ZNF600: variants seen among roughly 807,000 people sequenced by gnomAD.
ZNF600 encodes the protein zinc finger protein 600, also known as zinc finger protein KR-ZNF1.
A neutral mutation model predicts 7.3 loss-of-function variants in ZNF600; 4 were observed. The observed-to-expected ratio is 0.55, with a 90% CI of 0.27 to 1.25. The LOEUF is 1.25. Among genes scored for constraint, ZNF600 ranks in the 50% most tolerant of loss-of-function variants. The pLI is 0.12. For synonymous variants in ZNF600, 290 were observed against 308.9 expected (o/e 0.94, Z 0.64); for missense variants, 911 against 922.1 (o/e 0.99, Z 0.16).
intron 2 of ZNF600, among the ~76,000 whole-genome samples, 181 bp downstream of exon 4, chr19:52,778,645 A>G (rs1441153081): frequency 1.3e-5 from 2 of 152,154 alleles, no homozygotes; most frequent in Non-Finnish European, 2.9e-5. Flanking sequence ...CCAAGTTCAC[A>G]TCACTGGGTC....
chr19:52,773,173 G>A (rs57517212), intron 3 of ZNF600, among the ~76,000 whole-genome samples: 4,341 of 152,106 alleles, frequency 0.029, 55 homozygotes, highest in African/African-American at 0.095. Flanking sequence ...GAAGTAATGG[G>A]CATGTAGGAG....
chr19:52,832,696 T>C, the ZNF600 span, among the ~76,000 whole-genome samples: 2 of 151,784 alleles, frequency 1.3e-5, no homozygotes, highest in Admixed American at 6.6e-5. Flanking sequence ...AGCCAAGGAG[T>C]TTCAGGCTGC....
At chr19:52,778,898 G>A (rs529294836) in exon 2 of ZNF600, 3 of 1,598,770 alleles carry the variant, frequency 1.9e-6, no homozygotes, top group Non-Finnish European at 2.5e-6. Context: ...TGAGTCTTTA[G>A]GAATCAATCC....
At chr19:52,796,209 T>A in the ZNF600 span, among the ~76,000 whole-genome samples, 2 of 152,140 alleles carry the variant, frequency 1.3e-5, no homozygotes. Flanking sequence ...ACATGCGTCC[T>A]GGGTCTGGGG....
chr19:52,775,499 A>G (rs9797909), intron 2 of ZNF600, among the ~76,000 whole-genome samples: 103,679 of 151,512 alleles, frequency 0.68, 36,158 homozygotes, highest in Non-Finnish European at 0.76. Context: ...ACAGTGAGCC[A>G]AGATCGCACC....
In ZNF600 at chr19:52,772,087, C is replaced by T. The variant is rs149066535; in HGVS notation, c.190+2488G>A. ...TCACTTGTTTTAAAAAGCAGGTGGA[C>T]GAATCACCTGAGGTTGGGAGTTTGA... is the stretch of plus-strand genomic sequence containing the variant. On this transcript the variant is annotated intron_variant, in intron 3 of 3. Transcript: ENST00000648973. 9.4e-3 allele frequency among the ~76,000 whole-genome samples: 1,428 copies of T among 152,202 alleles called. 34 individuals are homozygous for T. Among genetic ancestry groups the T allele is most frequent in the African/African-American group, 0.032 (1,318 of 41,532 alleles).
chr19:52,774,913 T>G (rs993332402), intron 2 of ZNF600, among the ~76,000 whole-genome samples: 6 of 152,142 alleles, frequency 3.9e-5, no homozygotes, highest in Non-Finnish European at 8.8e-5. Context: ...GAAGTCTCAA[T>G]TTCATAGACA....
At chr19:52,766,323 G>A (rs760469963) in exon 4 of ZNF600, 15 of 1,614,176 alleles carry the variant, frequency 9.3e-6, no homozygotes, top group Non-Finnish European at 1.2e-5. Flanking sequence ...ACACGCAAAA[G>A]CCTTGTCACA....
chr19:52,800,077 T>G, the ZNF600 span: 1 of 1,614,030 alleles, frequency 6.2e-7, no homozygotes, highest in Non-Finnish European at 8.5e-7. Context: ...TGTGAATCCC[T>G]CCGGAAAGCC....
upstream of ZNF600, among the ~76,000 whole-genome samples, chr19:52,788,305 C>T (rs2062781956): frequency 1.3e-5 from 2 of 152,170 alleles, no homozygotes; most frequent in Admixed American, 1.3e-4. Flanking sequence ...AGGAAAGAGA[C>T]AGAAGAATCC....
At chr19:52,778,712 G>A in intron 2 of ZNF600, 114 bp downstream of exon 4, 1 of 1,393,270 alleles carries the variant, frequency 7.2e-7, no homozygotes, top group East Asian at 2.4e-5. Context: ...ATGGCTGAGT[G>A]TGAGTGAACG....
At chr19:52,832,841 G>A in the ZNF600 span, among the ~76,000 whole-genome samples, 1 of 151,818 alleles carries the variant, frequency 6.6e-6, no homozygotes, top group Admixed American at 6.6e-5. Context: ...GCACAATCTT[G>A]GCTTACTGTA....
chr19:52,825,260 A>G, the ZNF600 span, among the ~76,000 whole-genome samples: 1 of 152,188 alleles, frequency 6.6e-6, no homozygotes, highest in Non-Finnish European at 1.5e-5. Flanking sequence ...ACAAACTGGG[A>G]AGGACTCACG....
At chr19:52,812,762 TAAAAAAAAAAAAAA>T in the ZNF600 span, among the ~76,000 whole-genome samples, 1 of 75,400 alleles carries the variant, frequency 1.3e-5, no homozygotes, top group Non-Finnish European at 2.8e-5. Context: ...GAATGATCAA[TAAAAAAAAAAAAAA>T]AAAAAAAAAA....
the ZNF600 span, among the ~76,000 whole-genome samples, chr19:52,803,754 C>T: frequency 2.6e-5 from 4 of 152,054 alleles, no homozygotes; most frequent in Admixed American, 6.6e-5. Context: ...ATCAGGAGTT[C>T]GAGACCAGCC....
In ZNF600 at chr19:52,779,912, A is replaced by C. The variant is rs114425580; in HGVS notation, c.-19-1005T>G. On this transcript the variant is annotated intron_variant, in intron 1 of 3. Transcript: ENST00000648973. ...AAACTGATCCGGGCATCTACTTGGG[A>C]AGCTCAGGCAGGAGAATCACTTGAA... Among the ~76,000 whole-genome samples the C allele has an allele frequency of 1.5e-3, 225 of 152,248 alleles. 1 individual carries two copies. The highest frequency in any genetic ancestry group is 5.2e-3 in the African/African-American group (217 of 41,568).
At chr19:52,821,281 C>T in the ZNF600 span, among the ~76,000 whole-genome samples, 1 of 152,044 alleles carries the variant, frequency 6.6e-6, no homozygotes, top group East Asian at 1.9e-4. Flanking sequence ...GAATACACCT[C>T]TAGGGTGAGG....
chr19:52,791,992 G>A, the ZNF600 span, among the ~76,000 whole-genome samples: 1 of 152,234 alleles, frequency 6.6e-6, no homozygotes, highest in Non-Finnish European at 1.5e-5. Flanking sequence ...CTGCGCCACT[G>A]CAGGTATTAC....
At chr19:52,816,980 C>A in the ZNF600 span, among the ~76,000 whole-genome samples, 3 of 151,972 alleles carry the variant, frequency 2.0e-5, no homozygotes, top group Non-Finnish European at 2.9e-5. Context: ...TTTCACAAGC[C>A]TCTCCACAGT....
Sources: gnomAD v4.1 joint callset for allele counts (sites outside exome capture counted in the v4.1 genomes callset) on GRCh38, gnomAD v4.1.1 for gene constraint, MANE v1.5 for transcripts, NCBI Gene and HGNC (gene_info 2026-07-23, HGNC 2026-07-21) for gene names.